The following DMD variants were observed in gnomAD, a reference collection of about 807,000 sequenced individuals.
The protein encoded by DMD is dystrophin.
DMD carries 63 observed loss-of-function variants against 330.1 expected under a neutral mutation model. The observed-to-expected ratio is 0.19, with a 90% CI of 0.16 to 0.24. The LOEUF (loss-of-function observed/expected upper bound fraction) is 0.24. DMD is among the 10% of genes least tolerant of loss of function. DMD has a pLI of 1.00. For missense variants in DMD, 3,344 were observed against 2,684.1 expected (o/e 1.25, Z -5.43); for synonymous variants, 1,223 against 959.8 (o/e 1.27, Z -5.07).
intron 48 of DMD, among the ~76,000 whole-genome samples, chrX:31,854,728 C>T (rs763080627): frequency 6.3e-5 from 7 of 111,684 alleles, no homozygotes; most frequent in Middle Eastern, 4.6e-3. Context: ...ATGAATCCTA[C>T]GGCTCAGAAC....
intron 55 of DMD, among the ~76,000 whole-genome samples, chrX:31,606,539 A>G (rs970212901): frequency 1.8e-5 from 2 of 111,622 alleles, no homozygotes; most frequent in African/African-American, 6.5e-5. Flanking sequence ...ATAAAGTAAC[A>G]TGTACATTCT....
At chrX:31,141,637 A>AGGAGGGTAT (rs1173366354) in intron 76 of DMD, among the ~76,000 whole-genome samples, 1 of 61,920 alleles carries the variant, frequency 1.6e-5, no homozygotes, top group Non-Finnish European at 3.9e-5. Flanking sequence ...AACATAGCTA[A>AGGAGGGTAT]GGAAGGCAGG....
intron 2 of DMD, among the ~76,000 whole-genome samples, chrX:32,977,134 C>A (rs1340188456): frequency 1.8e-5 from 2 of 109,751 alleles, no homozygotes; most frequent in African/African-American, 6.6e-5. Flanking sequence ...TCCACTGTTA[C>A]AATAAAAATA....
intron 60 of DMD, among the ~76,000 whole-genome samples, chrX:31,437,929 T>C (rs1385078924): frequency 9.1e-6 from 1 of 109,324 alleles, no homozygotes; most frequent in Non-Finnish European, 1.9e-5. Context: ...TTACGCTTAC[T>C]ACACATCTCA....
chrX:32,404,479 C>A (rs1284323786), intron 30 of DMD, among the ~76,000 whole-genome samples: 2 of 111,253 alleles, frequency 1.8e-5, no homozygotes, highest in African/African-American at 3.3e-5. Context: ...GATCAGAATT[C>A]TTTGGGAAAA....
intron 51 of DMD, among the ~76,000 whole-genome samples, chrX:31,737,803 G>A (rs1323352374): frequency 8.9e-6 from 1 of 111,957 alleles, no homozygotes; most frequent in Admixed American, 9.5e-5. Flanking sequence ...TTCATATCAA[G>A]TATGGCACTA....
chrX:32,722,958 C>G (rs570717913), intron 7 of DMD, among the ~76,000 whole-genome samples: 1 of 110,708 alleles, frequency 9.0e-6, no homozygotes, highest in East Asian at 2.8e-4. Flanking sequence ...ATTTTTGGTA[C>G]TATGACAAAT....
intron 11 of DMD, among the ~76,000 whole-genome samples, chrX:32,625,393 C>T (rs985497941): frequency 9.0e-6 from 1 of 111,177 alleles, no homozygotes; most frequent in Non-Finnish European, 1.9e-5. Context: ...AATTTACCTA[C>T]ACATAGCTAG....
chrX:31,935,148 C>T (rs1198199900), intron 45 of DMD, among the ~76,000 whole-genome samples: 1 of 111,242 alleles, frequency 9.0e-6, no homozygotes, highest in Non-Finnish European at 1.9e-5. Context: ...CTTTTTCCTT[C>T]TTGGAGTCTA....
intron 44 of DMD, among the ~76,000 whole-genome samples, chrX:32,189,745 C>G (rs1381711894): frequency 9.0e-6 from 1 of 110,673 alleles, no homozygotes; most frequent in Non-Finnish European, 1.9e-5. Flanking sequence ...AGCTAAGTCA[C>G]CTGCCAAAGG....
intron 1 of DMD, among the ~76,000 whole-genome samples, chrX:33,113,731 T>C: frequency 8.9e-6 from 1 of 111,750 alleles, no homozygotes. Context: ...TGAATTTAAT[T>C]CCAAATGTTA....
intron 48 of DMD, among the ~76,000 whole-genome samples, chrX:31,862,942 GC>G (rs1299340600): frequency 8.9e-6 from 1 of 112,882 alleles, no homozygotes; most frequent in Non-Finnish European, 1.9e-5. Context: ...GTTACGTCAG[GC>G]CAGGAGACTT....
chrX:32,065,111 T>C lies in DMD; in HGVS notation c.6439-96597A>G, dbSNP rs1021683491. Reference sequence around the variant, plus strand: ...TCAAAAGCAATTAGAATCACTTCTTTTGGCCTTGGAATTAATGAATTTTCA... The same window carrying C: ...TCAAAAGCAATTAGAATCACTTCTTCTGGCCTTGGAATTAATGAATTTTCA... On this transcript the variant is annotated intron_variant, in intron 44 of 78. Coordinates refer to ENST00000357033, the MANE Select transcript of DMD (RefSeq NM_004006.3). Among the ~76,000 whole-genome samples the C allele has an allele frequency of 6.7e-4, 75 of 111,419 alleles. 1 individual carries two copies. The highest frequency in any genetic ancestry group is 1.7e-3 in the Admixed American group (18 of 10,429).
chrX:31,885,306 C>A (rs192504834), intron 47 of DMD, among the ~76,000 whole-genome samples: 2 of 111,474 alleles, frequency 1.8e-5, no homozygotes, highest in Non-Finnish European at 3.8e-5. Context: ...TTTCCAGTAT[C>A]TTTCAAAATT....
intron 2 of DMD, among the ~76,000 whole-genome samples, chrX:32,885,827 GAAA>G (rs35272541): frequency 1.1e-4 from 7 of 64,942 alleles, no homozygotes; most frequent in East Asian, 1.1e-3. Context: ...CCTTGAGGGG[GAAA>G]AAAAAAAAAA....
At chrX:32,933,200 T>A (rs1212893797) in intron 2 of DMD, among the ~76,000 whole-genome samples, 1 of 111,521 alleles carries the variant, frequency 9.0e-6, no homozygotes, top group Non-Finnish European at 1.9e-5. Flanking sequence ...AAGGGGATAA[T>A]ACCCTGAGGG....
chrX:33,299,523 T>C (rs1241008054), intron 1 of DMD, among the ~76,000 whole-genome samples: 1 of 111,621 alleles, frequency 9.0e-6, no homozygotes, highest in African/African-American at 3.2e-5. Context: ...AAGGAAGGCC[T>C]AGTGAGGAAA....
At chrX:32,602,969 T>C (rs1420202355) in intron 12 of DMD, among the ~76,000 whole-genome samples, 1 of 111,407 alleles carries the variant, frequency 9.0e-6, no homozygotes, top group Non-Finnish European at 1.9e-5. Context: ...CCTTAAACTC[T>C]TTGAACACAT....
chrX:32,887,111 G>A (rs2084664187), intron 2 of DMD, among the ~76,000 whole-genome samples: 1 of 111,776 alleles, frequency 8.9e-6, no homozygotes, highest in South Asian at 3.7e-4. Context: ...ACTTTGGGAG[G>A]CTGAGGCGGG....
Sources: allele counts gnomAD v4.1 joint callset (sites outside exome capture counted in the v4.1 genomes callset), GRCh38; gene constraint gnomAD v4.1.1; transcripts MANE v1.5; gene names NCBI Gene and HGNC (gene_info 2026-07-23, HGNC 2026-07-21).